The following DMD variants were observed in gnomAD, a reference collection of about 807,000 sequenced individuals.
DMD encodes mutant dystrophin.
DMD carries 63 observed loss-of-function variants against 330.1 expected under a neutral mutation model. That is an observed-to-expected ratio of 0.19 (90% CI 0.16 to 0.24). DMD has a LOEUF of 0.24. Among genes scored for constraint, DMD ranks in the 10% least tolerant of loss-of-function variants. The probability of loss-of-function intolerance (pLI) is 1.00; values close to 1 mark genes in which losing one functional copy is unlikely to be tolerated. For missense variants in DMD, 3,344 were observed against 2,684.1 expected (o/e 1.25, Z -5.43); for synonymous variants, 1,223 against 959.8 (o/e 1.27, Z -5.07).
At chrX:32,968,380 T>A (rs1478616053) in intron 2 of DMD, among the ~76,000 whole-genome samples, 5 of 111,540 alleles carry the variant, frequency 4.5e-5, no homozygotes, top group African/African-American at 1.6e-4. Context: ...TCACTTCAAT[T>A]TGAGTTTTGA....
intron 29 of DMD, among the ~76,000 whole-genome samples, chrX:32,437,102 A>T (rs2098264301): frequency 8.9e-6 from 1 of 112,298 alleles, no homozygotes; most frequent in Non-Finnish European, 1.9e-5. Flanking sequence ...CACAACCCAC[A>T]TTGAAATGAT....
chrX:32,146,347 G>A (rs992027708), intron 44 of DMD, among the ~76,000 whole-genome samples: 17 of 111,644 alleles, frequency 1.5e-4, no homozygotes, highest in African/African-American at 5.5e-4. Context: ...ACAGGGAGAG[G>A]GAGAGGGAAA....
intron 50 of DMD, among the ~76,000 whole-genome samples, chrX:31,786,054 C>A (rs1190131305): frequency 2.7e-5 from 3 of 112,000 alleles, no homozygotes; most frequent in Non-Finnish European, 5.6e-5. Context: ...TGAAGTAATT[C>A]ACACTCCCAC....
intron 1 of DMD, among the ~76,000 whole-genome samples, chrX:33,208,003 A>C (rs1314132760): frequency 9.0e-6 from 1 of 111,653 alleles, no homozygotes; most frequent in Admixed American, 9.5e-5. Flanking sequence ...TGAGAAAGAA[A>C]ACCATTGCCT....
At position 32,893,273 on chromosome X, in the gene DMD, T is replaced by G. The variant is rs769607483; in HGVS notation, c.94-43453A>C. 2.6e-4 allele frequency among the ~76,000 whole-genome samples: 29 copies of G among 112,140 alleles called. No individual in the cohort carries two copies. The East Asian group carries it at 7.6e-3, about 29-fold the overall frequency. On this transcript the variant is annotated intron_variant, in intron 2 of 78. Transcript: ENST00000357033. ...CTTGACCTTTTTACCCCATGCTTCC[T>G]TAACATAAGCTGAATTTATCTCTGT...
chrX:33,231,878 G>A (rs186149103), intron 1 of DMD, among the ~76,000 whole-genome samples: 229 of 111,541 alleles, frequency 2.1e-3, no homozygotes, highest in African/African-American at 6.8e-3. Flanking sequence ...CTGCCTTTCT[G>A]TCTTATGTTT....
intron 55 of DMD, among the ~76,000 whole-genome samples, chrX:31,530,147 A>G (rs908291901): frequency 8.9e-6 from 1 of 112,055 alleles, no homozygotes; most frequent in African/African-American, 3.2e-5. Flanking sequence ...GGGCTCCCAT[A>G]CTAACCAAAA....
At chrX:32,204,529 C>T (rs1796129389) in intron 44 of DMD, among the ~76,000 whole-genome samples, 1 of 111,905 alleles carries the variant, frequency 8.9e-6, no homozygotes, top group African/African-American at 3.3e-5. Context: ...AAAACTTATA[C>T]TTCCTTACAC....
chrX:31,440,163 T>C (rs1378142365), intron 60 of DMD, among the ~76,000 whole-genome samples: 1 of 84,969 alleles, frequency 1.2e-5, no homozygotes, highest in Non-Finnish European at 2.4e-5. Flanking sequence ...TTTTTTTTTT[T>C]TGGAAATGGT....
intron 3 of DMD, 40 bp from the exon 4 acceptor site, chrX:32,844,900 A>G (rs2080519414): frequency 6.6e-6 from 7 of 1,052,953 alleles, no homozygotes; most frequent in Non-Finnish European, 9.3e-6. Context: ...ACCAGCAGAG[A>G]GACCGACAAT....
chrX:31,842,190 T>C (rs1471345892), intron 48 of DMD, among the ~76,000 whole-genome samples: 1 of 111,458 alleles, frequency 9.0e-6, no homozygotes, highest in East Asian at 2.8e-4. Flanking sequence ...AGTCACTGGA[T>C]GTGGAGAAAA....
intron 17 of DMD, among the ~76,000 whole-genome samples, chrX:32,529,900 A>G (rs999275014): frequency 1.6e-4 from 18 of 111,173 alleles, no homozygotes; most frequent in Non-Finnish European, 3.4e-4. Flanking sequence ...TCAAAAATCT[A>G]TTTTTCCTTA....
chrX:32,804,615 G>C (rs2076820933), intron 7 of DMD, among the ~76,000 whole-genome samples: 1 of 112,592 alleles, frequency 8.9e-6, no homozygotes, highest in East Asian at 2.8e-4. Flanking sequence ...CACAGCACTG[G>C]AGCTCTGCTA....
intron 49 of DMD, among the ~76,000 whole-genome samples, chrX:31,830,491 G>T (rs761609401): frequency 8.9e-6 from 1 of 111,785 alleles, no homozygotes; most frequent in Non-Finnish European, 1.9e-5. Context: ...CTACTTGGAA[G>T]GCTGAGGCAG....
chrX:32,109,928 A>G (rs1331403037), intron 44 of DMD, among the ~76,000 whole-genome samples: 1 of 111,739 alleles, frequency 8.9e-6, no homozygotes, highest in Non-Finnish European at 1.9e-5. Context: ...CTTGACAAAC[A>G]CACGTCAAAT....
intron 55 of DMD, among the ~76,000 whole-genome samples, chrX:31,602,095 T>C (rs1300532811): frequency 9.0e-6 from 1 of 111,461 alleles, no homozygotes; most frequent in East Asian, 2.8e-4. Context: ...GTGCTGCTTG[T>C]TTCACTTCTG....
At chrX:32,099,944 G>A (rs759013163) in intron 44 of DMD, among the ~76,000 whole-genome samples, 8 of 109,245 alleles carry the variant, frequency 7.3e-5, no homozygotes, top group Non-Finnish European at 1.5e-4. Flanking sequence ...CCTAGGACTG[G>A]CATAAAATAA....
chrX:32,299,703 G>A (rs1436716289), intron 42 of DMD, among the ~76,000 whole-genome samples: 2 of 110,832 alleles, frequency 1.8e-5, no homozygotes, highest in African/African-American at 3.3e-5. Context: ...CAGGACCTCC[G>A]TTTCTCCATC....
chrX:33,009,902 G>C (rs1435303798), intron 2 of DMD, among the ~76,000 whole-genome samples: 1 of 62,074 alleles, frequency 1.6e-5, no homozygotes, highest in Non-Finnish European at 3.0e-5. Context: ...GTGTATATGT[G>C]TGTATATGTG....
Sources: gnomAD v4.1 joint callset for allele counts (sites outside exome capture counted in the v4.1 genomes callset) on GRCh38, gnomAD v4.1.1 for gene constraint, MANE v1.5 for transcripts, NCBI Gene and HGNC (gene_info 2026-07-23, HGNC 2026-07-21) for gene names.